The following MGAT4C variants were observed in gnomAD, a reference collection of about 807,000 sequenced individuals.
MGAT4C encodes MGAT4 family member C, also known as alpha-1,3-mannosyl-glycoprotein 4-beta-N-acetylglucosaminyltransferase C.
MGAT4C carries 19 observed loss-of-function variants against 40.1 expected under a neutral mutation model. That is an observed-to-expected ratio of 0.47 (90% confidence interval 0.33 to 0.70). MGAT4C has a LOEUF of 0.70. Ranked by LOEUF, MGAT4C falls within the 30% of genes least tolerant of loss-of-function variation. MGAT4C has a pLI of 0.02. For missense variants in MGAT4C, 491 were observed against 563.2 expected, an observed-to-expected ratio of 0.87 and a Z score of 1.30; for synonymous variants, 181 against 187.1, an observed-to-expected ratio of 0.97 and a Z score of 0.27.
chr12:86,074,661 T>G (rs1366481928), intron 1 of MGAT4C, among the ~76,000 whole-genome samples: 1 of 152,098 alleles, frequency 6.6e-6, no homozygotes, highest in African/African-American at 2.4e-5. Flanking sequence ...GACTGGGTAA[T>G]TTATAAAGAA....
chr12:86,747,538 T>A (rs1283502682), intron 1 of MGAT4C, among the ~76,000 whole-genome samples: 2 of 151,644 alleles, frequency 1.3e-5, no homozygotes, highest in Non-Finnish European at 3.0e-5. Context: ...GAAACATAGC[T>A]AAATTATGAA....
intron 1 of MGAT4C, among the ~76,000 whole-genome samples, chr12:86,801,884 TA>T (rs1294866215): frequency 2.8e-5 from 4 of 142,988 alleles, no homozygotes; most frequent in African/African-American, 9.8e-5. Flanking sequence ...TTTTATCACC[TA>T]ATGGAGTGGC....
At chr12:86,362,071 G>C (rs1220085425) in intron 3 of MGAT4C, among the ~76,000 whole-genome samples, 2 of 152,178 alleles carry the variant, frequency 1.3e-5, no homozygotes, top group Admixed American at 1.3e-4. Context: ...CAATAGCAAA[G>C]ACTTGGAACC....
upstream of MGAT4C, among the ~76,000 whole-genome samples, chr12:86,260,009 T>G (rs1952627394): frequency 6.6e-6 from 1 of 152,026 alleles, no homozygotes; most frequent in African/African-American, 2.4e-5. Flanking sequence ...AATGTAGGCA[T>G]TTTACTATTC....
chr12:86,719,537 GC>G (rs1457968167), intron 2 of MGAT4C, among the ~76,000 whole-genome samples: 1 of 152,160 alleles, frequency 6.6e-6, no homozygotes, highest in Non-Finnish European at 1.5e-5. Context: ...AGTACATGTT[GC>G]CAGTTTCTTG....
rs147837996 is a variant in MGAT4C, at chr12:86,334,414, G to A, written c.-119-287C>T. 3.2e-4 allele frequency among the ~76,000 whole-genome samples: 49 copies of A among 152,118 alleles called. 1 individual carries two copies. Among genetic ancestry groups the A allele is most frequent in the Admixed American group, 1.2e-3 (19 of 15,256 alleles). On this transcript the variant is annotated intron_variant, in intron 3 of 7. Transcript: ENST00000548651. ...AGCTCCATAAACATGCAAAATGGCTGGGCATCTGGAATTGGGAGAGACATG... is the reference window on the plus strand; with the variant it reads ...AGCTCCATAAACATGCAAAATGGCTAGGCATCTGGAATTGGGAGAGACATG...
intron 1 of MGAT4C, among the ~76,000 whole-genome samples, chr12:86,075,734 G>A (rs543126442): frequency 2.7e-4 from 41 of 152,298 alleles, no homozygotes; most frequent in East Asian, 1.5e-3. Context: ...TCAGCACCAC[G>A]TGCAGGCTTG....
chr12:86,502,366 G>A (rs1487262984), intron 2 of MGAT4C, among the ~76,000 whole-genome samples: 1 of 151,898 alleles, frequency 6.6e-6, no homozygotes, highest in Non-Finnish European at 1.5e-5. Context: ...AATATCATTA[G>A]GTAGAACCCA....
Position 86,670,404 on chromosome 12 carries a change from A to G in MGAT4C, c.-229+56805T>C, listed in dbSNP as rs146023537. Among the ~76,000 whole-genome samples, 970 of 152,264 alleles carry G rather than the reference A, an allele frequency of 6.4e-3. 9 individuals are homozygous for G. The highest frequency in any genetic ancestry group is 0.022 in the African/African-American group (926 of 41,572). ...ATTTAAAACAAACAAACAAACAAAT[A>G]AACAAAAAAACTCATTTAAGTAATT... is the stretch of plus-strand genomic sequence containing the variant. On this transcript the variant is annotated intron_variant, in intron 2 of 7. Transcript: ENST00000548651.
chr12:86,678,639 C>G (rs1275812046), intron 2 of MGAT4C, among the ~76,000 whole-genome samples: 18 of 141,600 alleles, frequency 1.3e-4, no homozygotes, highest in Admixed American at 3.0e-4. Context: ...TCCATGTGTT[C>G]TCATTGTTCA....
intron 2 of MGAT4C, among the ~76,000 whole-genome samples, chr12:86,482,067 TACACACACAC>T (rs10526768): frequency 2.7e-4 from 38 of 143,100 alleles, no homozygotes; most frequent in Non-Finnish European, 4.1e-4. Flanking sequence ...AACATGTCAC[TACACACACAC>T]ACACACACAC....
intron 1 of MGAT4C, among the ~76,000 whole-genome samples, chr12:86,828,940 A>G (rs1408459882): frequency 6.6e-6 from 1 of 151,664 alleles, no homozygotes; most frequent in Non-Finnish European, 1.5e-5. Context: ...GTTGTACACA[A>G]TATAAATTTG....
chr12:86,677,212 A>G (rs1949882688), intron 2 of MGAT4C, among the ~76,000 whole-genome samples: 1 of 152,186 alleles, frequency 6.6e-6, no homozygotes, highest in East Asian at 1.9e-4. Flanking sequence ...TCCTGAATTA[A>G]GTAAAATGTT....
rs115658458 is a variant in MGAT4C at position 86,124,047 on chromosome 12, G to A, written c.-56-74324C>T. On this transcript the variant is annotated intron_variant, in intron 1 of 4. Coordinates refer to ENST00000611864, the MANE Select transcript of MGAT4C (RefSeq NM_001351288.2). ...AAAGTAAAATAAGCCAAAAGAAATA[G>A]ATGGTGAACCTTTTTACAGTTCCTG... is the stretch of plus-strand genomic sequence containing the variant. Among the ~76,000 whole-genome samples the A allele has an allele frequency of 5.3e-3, 807 of 152,096 alleles. 7 individuals carry two copies. Among genetic ancestry groups the A allele is most frequent in the African/African-American group, 0.019 (769 of 41,516 alleles).
intron 4 of MGAT4C, among the ~76,000 whole-genome samples, chr12:86,327,272 G>C (rs954071919): frequency 6.6e-6 from 1 of 151,866 alleles, no homozygotes; most frequent in Non-Finnish European, 1.5e-5. Flanking sequence ...TATTGATCTT[G>C]TCTTTGTTTT....
intron 2 of MGAT4C, among the ~76,000 whole-genome samples, chr12:86,500,558 T>C (rs1370079112): frequency 6.6e-6 from 1 of 151,998 alleles, no homozygotes; most frequent in Non-Finnish European, 1.5e-5. Context: ...TAATCCTTTA[T>C]TTATTAAATA....
chr12:86,519,966 T>C (rs899130098), intron 2 of MGAT4C, among the ~76,000 whole-genome samples: 9 of 152,172 alleles, frequency 5.9e-5, no homozygotes, highest in African/African-American at 2.2e-4. Context: ...ACAAAAAATA[T>C]TTGTGCAGAT....
At chr12:86,128,659 G>A (rs1880689530) in intron 1 of MGAT4C, among the ~76,000 whole-genome samples, 1 of 152,116 alleles carries the variant, frequency 6.6e-6, no homozygotes, top group Non-Finnish European at 1.5e-5. Flanking sequence ...TGATAAAGAA[G>A]GAAAATGCAG....
intron 1 of MGAT4C, among the ~76,000 whole-genome samples, chr12:86,762,011 C>T: frequency 6.6e-6 from 1 of 151,582 alleles, no homozygotes; most frequent in East Asian, 1.9e-4. Flanking sequence ...GTCCTCTGCT[C>T]AGGGTCTTAA....
Sources: allele counts gnomAD v4.1 joint callset (sites outside exome capture counted in the v4.1 genomes callset), GRCh38; gene constraint gnomAD v4.1.1; transcripts MANE v1.5; gene names NCBI Gene and HGNC (gene_info 2026-07-23, HGNC 2026-07-21).